The following SAGE1 variants were observed in gnomAD, a reference collection of about 807,000 sequenced individuals.
The protein encoded by SAGE1 is sarcoma antigen 1, also known as cancer/testis antigen 14.
In SAGE1, 55 loss-of-function variants were observed where a neutral mutation model predicts 55.4. That is an observed-to-expected ratio of 0.99 (90% CI 0.80 to 1.24). SAGE1 has a LOEUF of 1.24. SAGE1 is among the 50% of genes most tolerant of loss of function. SAGE1 has a pLI of 0.00. For synonymous variants in SAGE1, 240 were observed against 244.3 expected (o/e 0.98, Z 0.17); for missense variants, 710 against 704.4 (o/e 1.01, Z -0.09).
intron 3 of SAGE1, among the ~76,000 whole-genome samples, chrX:135,902,391 C>T (rs1422752822): frequency 8.9e-6 from 1 of 112,179 alleles, no homozygotes; most frequent in African/African-American, 3.2e-5. Flanking sequence ...ACTGACTCTA[C>T]ATGCTCAAAT....
chrX:135,896,375 T>C (rs2088585006), intron 2 of SAGE1, 46 bp downstream of exon 2: 1 of 872,316 alleles, frequency 1.1e-6, no homozygotes, highest in Non-Finnish European at 1.7e-6. Context: ...ACATTCTTCG[T>C]ATAATTATTT....
At position 135,908,811 on chromosome X, in the gene SAGE1, G is replaced by C. The variant is rs1409641778; in HGVS notation, c.1442-53G>C. On this transcript the variant is annotated intron_variant, in intron 12 of 19. Transcript: ENST00000370709. ...TCATCATCAGTGGGATATATCGGTG[G>C]GGTTGACATAATGCACGTACCTCAC... The C allele has an allele frequency of 1.7e-5, 20 of 1,170,931 alleles. 1 individual carries two copies. Among genetic ancestry groups the C allele is most frequent in the Middle Eastern group, 2.4e-4 (1 of 4,226 alleles).
Position 135,910,123 on chromosome X carries a change from T to C in SAGE1, c.1817T>C (p.Ile606Thr). The change falls in exon 15 of 20, where the codon ATT (isoleucine) becomes ACT (threonine). Residue 606 changes from isoleucine to threonine, a missense_variant. Coordinates refer to ENST00000370709, the MANE Select transcript of SAGE1 (RefSeq NM_001381902.1). ...NVFSTVPPAF[I>T]NMAATGVSSM... ...TTCTCGACTGTTCCACCAGCATTTA[T>C]TAATATGGCAGCAACTGGTGTTTCA... is the stretch of plus-strand genomic sequence containing the variant. 8.3e-7 allele frequency: 1 copy of C among 1,207,836 alleles called. No individual in the cohort carries two copies. The highest frequency in any genetic ancestry group is 1.1e-6 in the Non-Finnish European group (1 of 892,056).
chrX:135,908,273 T>A (rs782638058), intron 11 of SAGE1, 44 bp downstream of exon 11: 2 of 1,123,456 alleles, frequency 1.8e-6, no homozygotes, highest in Middle Eastern at 2.4e-4. Flanking sequence ...GGTTTCCATA[T>A]GAATGCAGTA....
intron 3 of SAGE1, among the ~76,000 whole-genome samples, chrX:135,902,977 A>G (rs1487811116): frequency 9.0e-6 from 1 of 111,604 alleles, no homozygotes; most frequent in African/African-American, 3.3e-5. Flanking sequence ...AAATCACATC[A>G]TGCCATGTCC....
At position 135,911,292 on chromosome X, in the gene SAGE1, G is replaced by C. The variant is rs782016717; in HGVS notation, c.2106G>C (p.Leu702=). ...CGGTTCCACCTGGTTGTATTAATCTGTCAGGAGCTGGTATTTCATGCAGAA... is the reference window on the plus strand; with the variant it reads ...CGGTTCCACCTGGTTGTATTAATCTCTCAGGAGCTGGTATTTCATGCAGAA... ...LSTVPPGCIN[L]SGAGISCRST... The change falls in exon 17 of 20, where the codon CTG becomes CTC. Residue 702 remains leucine, a synonymous_variant. Transcript: ENST00000370709. The C allele has an allele frequency of 6.6e-6, 8 of 1,208,947 alleles. No individual in the cohort carries two copies. The highest frequency in any genetic ancestry group is 9.0e-6 in the Non-Finnish European group (8 of 893,773).
chrX:135,904,665 C>T (rs1426667862), intron 4 of SAGE1, 96 bp downstream of exon 4: 7 of 529,831 alleles, frequency 1.3e-5, no homozygotes, highest in Admixed American at 9.9e-5. Context: ...CATAAGCAGG[C>T]ATATTTTCAT....
chrX:135,908,689 GGTT>G (rs2088842351), intron 12 of SAGE1, 72 bp downstream of exon 12: 1 of 1,083,596 alleles, frequency 9.2e-7, no homozygotes, highest in East Asian at 3.0e-5. Context: ...AAGGGAAGAA[GGTT>G]GTTTTGTGAA....
rs1479140369 is a variant in SAGE1, at chrX:135,911,575, C to T, written c.2147-4C>T. On this transcript the variant is annotated splice_polypyrimidine_tract_variant and splice_region_variant and intron_variant, in intron 17 of 19. Coordinates refer to ENST00000370709, the MANE Select transcript of SAGE1 (RefSeq NM_001381902.1). ...ACAGCTCAATTTTTTCATTTGGATT[C>T]CAGATGCTACTGTCATTCACGATAT... is the stretch of plus-strand genomic sequence containing the variant. 6 of 1,175,087 alleles carry T rather than the reference C, an allele frequency of 5.1e-6. No individual in the cohort carries two copies. In the African/African-American group the frequency reaches 7.1e-5, roughly 14 times the overall value.
At chrX:135,910,603 G>T in intron 16 of SAGE1, 48 bp downstream of exon 16, 1 of 1,124,538 alleles carries the variant, frequency 8.9e-7, no homozygotes, top group Non-Finnish European at 1.2e-6. Context: ...TCCCTAAGCA[G>T]GCATATTTTC....
At chrX:135,901,998 T>A (rs1556596993) in intron 3 of SAGE1, among the ~76,000 whole-genome samples, 1 of 112,069 alleles carries the variant, frequency 8.9e-6, no homozygotes, top group Non-Finnish European at 1.9e-5. Context: ...GTCACCAGTG[T>A]TTGCTACACT....
chrX:135,905,233 C>T lies in SAGE1; in HGVS notation c.314-19C>T, dbSNP rs2088764439. On this transcript the variant is annotated intron_variant, in intron 4 of 19. Coordinates refer to ENST00000370709, the MANE Select transcript of SAGE1 (RefSeq NM_001381902.1). ...TAATGCACATACCTCACAACTCAAC[C>T]TGTTCCATCGGTTTCCAGATGCTAC... 8.3e-7 allele frequency: 1 copy of T among 1,201,452 alleles called. No homozygotes were observed.
In SAGE1 at chrX:135,911,303, G is replaced by T; in HGVS notation, c.2117G>T (p.Gly706Val). The T allele has an allele frequency of 8.3e-7, 1 of 1,208,236 alleles. No homozygotes were observed. Residue 706 changes from glycine to valine, a missense_variant, in exon 17 of 20, where the codon GGT becomes GTT. Physicochemically the swap from Gly to Val is moderately radical, Grantham distance 109. Coordinates refer to ENST00000370709, the MANE Select transcript of SAGE1 (RefSeq NM_001381902.1). ...GGTTGTATTAATCTGTCAGGAGCTGGTATTTCATGCAGAAGTACCAGGGAT... is the reference window on the plus strand; with the variant it reads ...GGTTGTATTAATCTGTCAGGAGCTGTTATTTCATGCAGAAGTACCAGGGAT... ...PPGCINLSGA[G>V]ISCRSTRDLY...
chrX:135,898,255 G>A (rs1282659796), intron 2 of SAGE1, among the ~76,000 whole-genome samples: 4 of 110,923 alleles, frequency 3.6e-5, no homozygotes, highest in Non-Finnish European at 7.6e-5. Flanking sequence ...TCCTGACCTC[G>A]TGATCCGCCC....
intron 4 of SAGE1, 79 bp downstream of exon 4, chrX:135,904,648 T>TC: frequency 1.7e-6 from 1 of 587,803 alleles, no homozygotes. Context: ...CTGTCCTACT[T>TC]GGTTTCCATA....
chrX:135,906,220 G>A, intron 6 of SAGE1, 56 bp downstream of exon 6: 3 of 1,131,072 alleles, frequency 2.7e-6, no homozygotes, highest in Non-Finnish European at 3.6e-6. Flanking sequence ...CATACATAGT[G>A]CCATGAAGGG....
rs41304532 is a variant in SAGE1 at position 135,907,863 on chromosome X, G to A, written c.1159+22G>A. ...CAGCGTAAGTTTGTTTACTAGTTGT[G>A]GTGTCCTACTTGGTTTCCATATGCA... On this transcript the variant is annotated intron_variant, in intron 10 of 19. Transcript: ENST00000370709. 2,083 of 1,191,465 alleles carry A rather than the reference G, an allele frequency of 1.7e-3. 1 individual carries two copies. Among genetic ancestry groups the A allele is most frequent in the Non-Finnish European group, 2.1e-3 (1,864 of 881,106 alleles).
chrX:135,907,170 A>G lies in SAGE1; in HGVS notation c.877+104A>G, dbSNP rs1191523735. On this transcript the variant is annotated intron_variant, in intron 8 of 19. Transcript: ENST00000370709. ...TTGTTGTATCATCTATCTTGAGCTC[A>G]ATTTGAGGGGTCTCAGATCACCACC... The G allele has an allele frequency of 7.7e-6, 8 of 1,043,949 alleles. No homozygotes were observed. In the East Asian group the frequency reaches 2.4e-4, roughly 32 times the overall value. The allele number at this position is 1,043,949 out of a possible 1,213,427, so 86.0% of individuals were successfully genotyped here.
intron 5 of SAGE1, 49 bp downstream of exon 5, chrX:135,905,441 G>C: frequency 4.5e-6 from 5 of 1,113,419 alleles, no homozygotes; most frequent in Non-Finnish European, 6.1e-6. Context: ...CCATAAGCAT[G>C]GATATTTTCA....
Sources: allele counts gnomAD v4.1 joint callset (sites outside exome capture counted in the v4.1 genomes callset), GRCh38; gene constraint gnomAD v4.1.1; transcripts MANE v1.5; gene names NCBI Gene and HGNC (gene_info 2026-07-23, HGNC 2026-07-21).